Variants in CSTF3 observed in about 807,000 individuals in gnomAD.
CSTF3 encodes the protein CF-1 77 kDa subunit.
CSTF3 carries 29 observed loss-of-function variants against 105.8 expected under a neutral mutation model. The observed-to-expected ratio is 0.27, with a 90% confidence interval of 0.20 to 0.37. CSTF3 has a LOEUF of 0.37. CSTF3 is among the 10% of genes least tolerant of loss of function. CSTF3 has a pLI of 1.00. For missense variants in CSTF3, 357 were observed against 879.3 expected, an observed-to-expected ratio of 0.41 and a Z score of 7.51; for synonymous variants, 252 against 281.9, an observed-to-expected ratio of 0.89 and a Z score of 1.06.
At chr11:33,119,223 C>T (rs1855463107) in intron 3 of CSTF3, among the ~76,000 whole-genome samples, 1 of 151,740 alleles carries the variant, frequency 6.6e-6, no homozygotes, top group Admixed American at 6.6e-5. Context: ...TTAGTCATTT[C>T]CTCTACTTGA....
chr11:33,115,527 A>G (rs1022655933), intron 3 of CSTF3, among the ~76,000 whole-genome samples: 1 of 152,238 alleles, frequency 6.6e-6, no homozygotes, highest in East Asian at 1.9e-4. Context: ...AGAAATCAGG[A>G]AAGTAGTGTC....
intron 8 of CSTF3, among the ~76,000 whole-genome samples, chr11:33,103,783 A>G (rs1855302066): frequency 1.3e-5 from 2 of 152,046 alleles, no homozygotes; most frequent in Non-Finnish European, 1.5e-5. Context: ...GAAAAAAAAA[A>G]TATGTACAGA....
intron 3 of CSTF3, among the ~76,000 whole-genome samples, chr11:33,134,207 C>T (rs1590279971): frequency 6.6e-6 from 1 of 152,276 alleles, no homozygotes; most frequent in South Asian, 2.1e-4. Context: ...AATAAAGTTA[C>T]AAATGCATTA....
At position 33,094,821 on chromosome 11, in the gene CSTF3, T is replaced by C. The variant is rs867617115; in HGVS notation, c.1375+1485A>G. ...TATGATATCTAATTCTATAATCATT[T>C]ACATGACATATAATTGCATATTTCT... On this transcript the variant is annotated intron_variant, in intron 15 of 20. Coordinates refer to ENST00000323959, the MANE Select transcript of CSTF3 (RefSeq NM_001326.3). Among the ~76,000 whole-genome samples the C allele has an allele frequency of 4.3e-5, 6 of 138,116 alleles. No individual in the cohort carries two copies. The South Asian group carries it at 7.4e-4, about 17-fold the overall frequency. The allele number at this position is 138,116 out of a possible 152,430, so 90.6% of individuals were successfully genotyped here.
chr11:33,129,821 T>C lies in CSTF3; in HGVS notation c.225+11846A>G, dbSNP rs556113323. The stretch of plus-strand genomic sequence containing the variant: ...AAAGTAAAATTCCAAAACACTTCAA[T>C]TGTGGGATGCTTAGAATTGCAAACT... On this transcript the variant is annotated intron_variant, in intron 3 of 20. Transcript: ENST00000323959. 1.1e-4 allele frequency among the ~76,000 whole-genome samples: 17 copies of C among 152,364 alleles called. No homozygotes were observed. In the South Asian group the frequency reaches 2.9e-3, roughly 26 times the overall value.
Position 33,093,942 on chromosome 11 carries a change from G to A in CSTF3, c.1376-1602C>T, listed in dbSNP as rs555212289. On this transcript the variant is annotated intron_variant, in intron 15 of 20. Coordinates refer to ENST00000323959, the MANE Select transcript of CSTF3 (RefSeq NM_001326.3). ...AGGCTGGTCTGGAACCCCTCACCTC[G>A]TGATCTGCCTGCCTCGGCCTCCCAA... Among the ~76,000 whole-genome samples, 5 of 152,196 alleles carry A rather than the reference G, an allele frequency of 3.3e-5. No homozygotes were observed. The South Asian group carries it at 1.0e-3, about 32-fold the overall frequency.
At chr11:33,159,928 T>C (rs1849918041) in intron 1 of CSTF3, among the ~76,000 whole-genome samples, 2 of 152,128 alleles carry the variant, frequency 1.3e-5, no homozygotes, top group African/African-American at 4.8e-5. Flanking sequence ...ATTATTTTTC[T>C]ATAAATTTTC....
intron 3 of CSTF3, among the ~76,000 whole-genome samples, chr11:33,115,748 G>T (rs1855424865): frequency 6.6e-6 from 1 of 152,086 alleles, no homozygotes; most frequent in African/African-American, 2.4e-5. Flanking sequence ...ATGATAAATT[G>T]TATTGTTTCT....
chr11:33,112,689 AG>A (rs1410258989), intron 3 of CSTF3, among the ~76,000 whole-genome samples: 2 of 152,244 alleles, frequency 1.3e-5, no homozygotes, highest in Non-Finnish European at 2.9e-5. Flanking sequence ...CTTCTTTAAA[AG>A]ATTATTATCC....
At chr11:33,098,655 TA>T in intron 13 of CSTF3, 34 bp downstream of exon 13, 1 of 1,310,204 alleles carries the variant, frequency 7.6e-7, no homozygotes, top group Non-Finnish European at 1.1e-6. Context: ...GATAAGACTG[TA>T]AAGGTGGAAA....
At chr11:33,150,231 A>AG (rs1320982217) in intron 1 of CSTF3, among the ~76,000 whole-genome samples, 33 of 106,574 alleles carry the variant, frequency 3.1e-4, no homozygotes, top group African/African-American at 8.2e-4. Context: ...AAAAAAAAAA[A>AG]AAAAAAAAGA....
At chr11:33,092,448 G>T in intron 15 of CSTF3, 108 bp from the exon 16 acceptor site, 1 of 623,432 alleles carries the variant, frequency 1.6e-6, no homozygotes, top group South Asian at 2.9e-5. Context: ...ATGCAGAAAG[G>T]TTTAACTATT....
Position 33,141,984 on chromosome 11 carries a change from T to G in CSTF3, c.30A>C (p.Ala10=). MSGDGATEQ[A]AEYVPEKVKK... is the part of the protein sequence containing the mutation. Reference sequence around the variant, plus strand: ...TCACCTTCTCTGGGACATACTCAGCTGCCTGGGGAAAAAAAACAACAGTGA... The same window carrying G: ...TCACCTTCTCTGGGACATACTCAGCGGCCTGGGGAAAAAAAACAACAGTGA... The change falls in exon 2 of 21, where the codon GCA becomes GCC. Residue 10 remains alanine, a splice_region_variant and synonymous_variant. Coordinates refer to ENST00000323959, the MANE Select transcript of CSTF3 (RefSeq NM_001326.3). The G allele has an allele frequency of 6.2e-7, 1 of 1,613,602 alleles. No homozygotes were observed. The highest frequency in any genetic ancestry group is 8.5e-7 in the Non-Finnish European group (1 of 1,179,740).
chr11:33,103,188 G>T lies in CSTF3; in HGVS notation c.586-4C>A. 2 of 1,403,412 alleles carry T rather than the reference G, an allele frequency of 1.4e-6. No individual in the cohort carries two copies. The highest frequency in any genetic ancestry group is 9.7e-7 in the Non-Finnish European group (1 of 1,025,652). The allele number at this position is 1,403,412 out of a possible 1,614,324, so 86.9% of individuals were successfully genotyped here. On this transcript the variant is annotated splice_region_variant and splice_polypyrimidine_tract_variant and intron_variant, in intron 8 of 20. Transcript: ENST00000323959. ...TAGCTAAATGAATATTGATACCCTA[G>T]AAAAAAACAAAAATATTTTAAAATT...
chr11:33,152,343 G>C (rs893508924), intron 1 of CSTF3, among the ~76,000 whole-genome samples: 2 of 152,134 alleles, frequency 1.3e-5, no homozygotes, highest in African/African-American at 4.8e-5. Flanking sequence ...TGCTCAGGTT[G>C]GACTTGAACT....
intron 13 of CSTF3, 37 bp from the exon 14 acceptor site, chr11:33,097,015 A>T: frequency 6.7e-7 from 1 of 1,495,426 alleles, no homozygotes; most frequent in Non-Finnish European, 9.1e-7. Context: ...TATAAATTAG[A>T]CAGTATGTTT....
chr11:33,098,032 A>G (rs1003211937), intron 13 of CSTF3, among the ~76,000 whole-genome samples: 1 of 152,216 alleles, frequency 6.6e-6, no homozygotes, highest in Non-Finnish European at 1.5e-5. Flanking sequence ...TGTGGAATGA[A>G]TTATAAGATG....
intron 15 of CSTF3, among the ~76,000 whole-genome samples, chr11:33,095,344 C>T (rs1189943115): frequency 6.6e-6 from 1 of 152,170 alleles, no homozygotes; most frequent in African/African-American, 2.4e-5. Context: ...TACAGGCATA[C>T]GCCACCACAC....
chr11:33,085,830 T>C, intron 19 of CSTF3, 57 bp from the exon 20 acceptor site: 1 of 1,584,800 alleles, frequency 6.3e-7, no homozygotes, highest in Middle Eastern at 1.7e-4. Context: ...AAAGTAGTAG[T>C]AACTTTATAC....
Sources: allele counts gnomAD v4.1 joint callset (sites outside exome capture counted in the v4.1 genomes callset), GRCh38; gene constraint gnomAD v4.1.1; transcripts MANE v1.5; gene names NCBI Gene and HGNC (gene_info 2026-07-23, HGNC 2026-07-21).